The following ROBO2 variants were observed in gnomAD, a reference collection of about 807,000 sequenced individuals.
ROBO2 encodes the protein roundabout homolog 2.
ROBO2 carries 53 observed loss-of-function variants against 160.8 expected under a neutral mutation model. The observed-to-expected ratio is 0.33, with a 90% confidence interval of 0.26 to 0.41. The LOEUF is 0.41. Among genes scored for constraint, ROBO2 ranks in the 10% least tolerant of loss-of-function variants. The pLI is 1.00. For missense variants in ROBO2, 1,577 were observed against 1,722.4 expected (o/e 0.92, Z 1.49); for synonymous variants, 664 against 611.7 (o/e 1.09, Z -1.26).
At chr3:76,320,871 C>T (rs1223142164) in intron 2 of ROBO2, among the ~76,000 whole-genome samples, 1 of 152,056 alleles carries the variant, frequency 6.6e-6, no homozygotes, top group East Asian at 1.9e-4. Flanking sequence ...TTGGAGGCTC[C>T]TAAAGATGTT....
intron 2 of ROBO2, among the ~76,000 whole-genome samples, chr3:76,452,379 G>A (rs1374965318): frequency 6.6e-6 from 1 of 151,790 alleles, no homozygotes. Context: ...CTGTGTCCAT[G>A]TGTTCTCATT....
chr3:75,974,647 G>C (rs2065088690), intron 2 of ROBO2, among the ~76,000 whole-genome samples: 1 of 151,502 alleles, frequency 6.6e-6, no homozygotes, highest in Non-Finnish European at 1.5e-5. Flanking sequence ...AGATTTTACT[G>C]TTAGCAGTTA....
At chr3:76,555,394 AAG>A (rs1491232953) in intron 2 of ROBO2, among the ~76,000 whole-genome samples, 21 of 72,706 alleles carry the variant, frequency 2.9e-4, no homozygotes, top group African/African-American at 6.0e-4. Context: ...GAAGAAGAAG[AAG>A]AAGAAGAAGA....
chr3:77,481,122 C>T (rs375164221), exon 4 of ROBO2: 1 of 1,612,292 alleles, frequency 6.2e-7, no homozygotes, highest in African/African-American at 1.3e-5. Flanking sequence ...AACTGATGAT[C>T]TCCAATACCA....
intron 2 of ROBO2, among the ~76,000 whole-genome samples, chr3:76,392,426 T>C (rs1294204161): frequency 6.6e-6 from 1 of 152,170 alleles, no homozygotes; most frequent in East Asian, 1.9e-4. Context: ...AAAGCTATCA[T>C]AGACATTAAT....
At chr3:76,097,244 A>G (rs767328708) in intron 2 of ROBO2, among the ~76,000 whole-genome samples, 1 of 152,184 alleles carries the variant, frequency 6.6e-6, no homozygotes, top group Non-Finnish European at 1.5e-5. Flanking sequence ...AAGAAATCCT[A>G]GCTTCTCTGA....
chr3:76,926,451 C>T (rs1415714448), intron 2 of ROBO2, among the ~76,000 whole-genome samples: 2 of 152,116 alleles, frequency 1.3e-5, no homozygotes, highest in South Asian at 2.1e-4. Context: ...TTTATCTTTG[C>T]ATTGATTGTG....
At chr3:76,617,880 G>A (rs1165979502) in intron 2 of ROBO2, among the ~76,000 whole-genome samples, 1 of 151,566 alleles carries the variant, frequency 6.6e-6, no homozygotes, top group Non-Finnish European at 1.5e-5. Context: ...TAGCAAAGGA[G>A]GAAATGCCCC....
intron 2 of ROBO2, among the ~76,000 whole-genome samples, chr3:77,119,424 C>T (rs1277575917): frequency 1.3e-5 from 2 of 152,180 alleles, no homozygotes; most frequent in African/African-American, 2.4e-5. Flanking sequence ...AACATCATTA[C>T]ATGGTGTATG....
chr3:75,935,907 G>A (rs1173958506), intron 1 of ROBO2, among the ~76,000 whole-genome samples: 1 of 152,150 alleles, frequency 6.6e-6, no homozygotes, highest in Non-Finnish European at 1.5e-5. Context: ...CTAGGGGATC[G>A]TGTAGCATTT....
At chr3:76,115,767 G>C (rs1428374968) in intron 2 of ROBO2, among the ~76,000 whole-genome samples, 1 of 152,006 alleles carries the variant, frequency 6.6e-6, no homozygotes, top group Non-Finnish European at 1.5e-5. Flanking sequence ...TTCTGCTCTT[G>C]TTTCTTTTAA....
At chr3:77,370,402 T>C (rs1251369118) in intron 2 of ROBO2, among the ~76,000 whole-genome samples, 1 of 152,232 alleles carries the variant, frequency 6.6e-6, no homozygotes, top group Non-Finnish European at 1.5e-5. Context: ...CTGTACATGC[T>C]AAAATGAGGG....
chr3:77,273,285 C>A (rs2059619299), intron 2 of ROBO2, among the ~76,000 whole-genome samples: 1 of 152,086 alleles, frequency 6.6e-6, no homozygotes, highest in Non-Finnish European at 1.5e-5. Flanking sequence ...GTGCTGCAGG[C>A]CATTACCCTA....
At chr3:77,035,212 C>T (rs1167234454), upstream of ROBO2, among the ~76,000 whole-genome samples, 2 of 151,778 alleles carry the variant, frequency 1.3e-5, no homozygotes, top group Non-Finnish European at 3.0e-5. Context: ...TAAGATGGGG[C>T]TGAGGGGGTA....
chr3:77,607,187 TA>T (rs1026269978), intron 20 of ROBO2, among the ~76,000 whole-genome samples: 1 of 152,202 alleles, frequency 6.6e-6, no homozygotes, highest in Non-Finnish European at 1.5e-5. Flanking sequence ...ATGTTATGCT[TA>T]AAATAGCTAA....
intron 2 of ROBO2, among the ~76,000 whole-genome samples, chr3:77,404,940 AT>A (rs1373530098): frequency 6.6e-6 from 1 of 152,128 alleles, no homozygotes; most frequent in Admixed American, 6.6e-5. Flanking sequence ...AAATTTTCTA[AT>A]ACTCTCCCCA....
intron 22 of ROBO2, among the ~76,000 whole-genome samples, chr3:77,618,928 C>T (rs1398972590): frequency 2.6e-5 from 4 of 152,182 alleles, no homozygotes; most frequent in African/African-American, 9.7e-5. Flanking sequence ...AGCCACAGGG[C>T]TTCCTTCACG....
intron 1 of ROBO2, among the ~76,000 whole-genome samples, chr3:77,088,619 G>T (rs1288921863): frequency 6.6e-6 from 1 of 152,114 alleles, no homozygotes; most frequent in Non-Finnish European, 1.5e-5. Context: ...AATATAGCCA[G>T]TTAGTCTTTG....
At chr3:77,003,121 A>G (rs1165053607) in intron 2 of ROBO2, among the ~76,000 whole-genome samples, 1 of 152,210 alleles carries the variant, frequency 6.6e-6, no homozygotes, top group Admixed American at 6.5e-5. Flanking sequence ...TAGTCAATGC[A>G]TAATAAATAT....
Sources: allele counts gnomAD v4.1 joint callset (sites outside exome capture counted in the v4.1 genomes callset), GRCh38; gene constraint gnomAD v4.1.1; transcripts MANE v1.5; gene names NCBI Gene and HGNC (gene_info 2026-07-23, HGNC 2026-07-21).